TMEM117: variants seen among roughly 807,000 people sequenced by gnomAD.
The protein encoded by TMEM117 is transmembrane protein 117.
Under a neutral mutation model 52.4 loss-of-function variants are expected in TMEM117, and 27 were observed. That is an observed-to-expected ratio of 0.51 (90% CI 0.38 to 0.71). The LOEUF (loss-of-function observed/expected upper bound fraction) is 0.71, where lower values mean the gene tolerates loss of function less well. Among genes scored for constraint, TMEM117 ranks in the 30% least tolerant of loss-of-function variants. The pLI is 0.00. For synonymous variants in TMEM117, 215 were observed against 206.3 expected (o/e 1.04, Z -0.36); for missense variants, 556 against 630.5 (o/e 0.88, Z 1.26).
intron 2 of TMEM117, among the ~76,000 whole-genome samples, chr12:43,849,984 A>C (rs191965925): frequency 1.0e-3 from 157 of 152,246 alleles, no homozygotes; most frequent in African/African-American, 3.6e-3. Flanking sequence ...TAGTGGAATT[A>C]TTTTTTTCAT....
intron 3 of TMEM117, among the ~76,000 whole-genome samples, chr12:43,961,092 G>A (rs916011071): frequency 2.0e-5 from 3 of 152,158 alleles, no homozygotes; most frequent in Non-Finnish European, 4.4e-5. Flanking sequence ...AGTGTAAAAT[G>A]AGGATGTTAG....
chr12:44,137,417 G>A (rs1948506933), intron 3 of TMEM117, among the ~76,000 whole-genome samples: 1 of 152,070 alleles, frequency 6.6e-6, no homozygotes, highest in Non-Finnish European at 1.5e-5. Flanking sequence ...CCTAGTAGGA[G>A]GAGGGCCTGA....
chr12:43,939,920 C>G (rs928862788), intron 2 of TMEM117, among the ~76,000 whole-genome samples: 1 of 152,166 alleles, frequency 6.6e-6, no homozygotes, highest in East Asian at 1.9e-4. Flanking sequence ...TGGCAGCAGG[C>G]AAGAGAGAGC....
intron 3 of TMEM117, among the ~76,000 whole-genome samples, chr12:43,945,881 T>C (rs934900463): frequency 8.5e-5 from 13 of 152,174 alleles, no homozygotes; most frequent in African/African-American, 3.1e-4. Flanking sequence ...TTGGCTACCA[T>C]TGTTCAGTAC....
chr12:43,986,556 A>G (rs1945850455), intron 3 of TMEM117, among the ~76,000 whole-genome samples: 1 of 152,128 alleles, frequency 6.6e-6, no homozygotes, highest in Non-Finnish European at 1.5e-5. Flanking sequence ...CAGTACATCT[A>G]AATGTGGATT....
chr12:44,152,445 A>C (rs55802236), intron 4 of TMEM117, among the ~76,000 whole-genome samples: 26,741 of 112,656 alleles, frequency 0.24, 5,975 homozygotes, highest in African/African-American at 0.64. Flanking sequence ...ATATTTATAT[A>C]ATATAAAAAT....
chr12:43,804,314 T>C, the TMEM117 span: 2 of 591,100 alleles, frequency 3.4e-6, no homozygotes, highest in Non-Finnish European at 6.2e-6. Context: ...AGTCACATAA[T>C]TCAGAATGAA....
At chr12:44,321,453 C>A (rs140245273) in intron 6 of TMEM117, among the ~76,000 whole-genome samples, 1 of 152,240 alleles carries the variant, frequency 6.6e-6, no homozygotes, top group East Asian at 1.9e-4. Flanking sequence ...ATTCTGAATG[C>A]AAAGTCACCA....
At chr12:43,885,414 C>CTTTTTTTTTTT (rs63547361) in intron 2 of TMEM117, among the ~76,000 whole-genome samples, 1 of 136,934 alleles carries the variant, frequency 7.3e-6, no homozygotes, top group Non-Finnish European at 1.6e-5. Flanking sequence ...TTTTTCTTTT[C>CTTTTTTTTTTT]TTTTCTTTTT....
chr12:43,803,405 T>C, the TMEM117 span, among the ~76,000 whole-genome samples: 1 of 152,140 alleles, frequency 6.6e-6, no homozygotes, highest in African/African-American at 2.4e-5. Context: ...CACTGAATTT[T>C]CTAAAATGCT....
chr12:44,116,446 A>G (rs1415519533), intron 3 of TMEM117, among the ~76,000 whole-genome samples: 1 of 150,324 alleles, frequency 6.7e-6, no homozygotes, highest in East Asian at 1.9e-4. Flanking sequence ...CTTTCTCTCA[A>G]TCTCAGATTA....
At chr12:44,027,170 T>TTTTATTTTATTTTATTTTATTTTATTTTA (rs1565797931) in intron 3 of TMEM117, among the ~76,000 whole-genome samples, 3 of 135,594 alleles carry the variant, frequency 2.2e-5, no homozygotes, top group African/African-American at 5.9e-5. Context: ...TTTTATTTTA[T>TTTTATTTTATTTTATTTTATTTTATTTTA]TTTATTTTAT....
intron 5 of TMEM117, among the ~76,000 whole-genome samples, chr12:44,290,856 G>C (rs917935689): frequency 7.9e-5 from 12 of 152,132 alleles, no homozygotes; most frequent in African/African-American, 2.7e-4. Flanking sequence ...ACCCAGGGTG[G>C]TCTGGAACTT....
intron 3 of TMEM117, among the ~76,000 whole-genome samples, chr12:43,997,313 T>C (rs1423948059): frequency 6.6e-6 from 1 of 152,164 alleles, no homozygotes; most frequent in East Asian, 1.9e-4. Context: ...AAATGATGCA[T>C]AGGTACCTGC....
intron 3 of TMEM117, among the ~76,000 whole-genome samples, chr12:43,991,547 C>T (rs1945941604): frequency 6.6e-6 from 1 of 151,978 alleles, no homozygotes; most frequent in Non-Finnish European, 1.5e-5. Context: ...CCTCAAGGAC[C>T]TCGGCCAAGT....
chr12:44,009,503 T>C, intron 3 of TMEM117: 1 of 225,362 alleles, frequency 4.4e-6, no homozygotes, highest in Non-Finnish European at 9.1e-6. Flanking sequence ...GGTGCTTTTC[T>C]GCTCAGCACA....
chr12:44,257,005 T>G (rs1950267216), intron 5 of TMEM117, among the ~76,000 whole-genome samples: 1 of 150,686 alleles, frequency 6.6e-6, no homozygotes, highest in African/African-American at 2.4e-5. Flanking sequence ...ACTTTTTTAT[T>G]CCTCCTAGTT....
At chr12:44,114,371 A>G (rs1025328840) in intron 3 of TMEM117, among the ~76,000 whole-genome samples, 17 of 152,184 alleles carry the variant, frequency 1.1e-4, no homozygotes, top group East Asian at 3.9e-4. Context: ...CGATTTTATA[A>G]CTAGATATAC....
intron 3 of TMEM117, among the ~76,000 whole-genome samples, chr12:43,972,925 C>T (rs1945614929): frequency 6.6e-6 from 1 of 152,178 alleles, no homozygotes. Flanking sequence ...CAAGAGCATG[C>T]TTCTGTGATT....
Sources: gnomAD v4.1 joint callset for allele counts (sites outside exome capture counted in the v4.1 genomes callset) on GRCh38, gnomAD v4.1.1 for gene constraint, MANE v1.5 for transcripts, NCBI Gene and HGNC (gene_info 2026-07-23, HGNC 2026-07-21) for gene names.